The following DCLK2 variants were observed in gnomAD, a reference collection of about 807,000 sequenced individuals.
DCLK2 encodes serine/threonine-protein kinase DCLK2.
Under a neutral mutation model 78.4 loss-of-function variants are expected in DCLK2, and 31 were observed. That is an observed-to-expected ratio of 0.40 (90% CI 0.30 to 0.53). The LOEUF (loss-of-function observed/expected upper bound fraction) is 0.53. DCLK2 is among the 20% of genes least tolerant of loss of function. The probability of loss-of-function intolerance (pLI) is 0.61; values close to 1 mark genes in which losing one functional copy is unlikely to be tolerated. For missense variants in DCLK2, 872 were observed against 973.7 expected (o/e 0.90, Z 1.39); for synonymous variants, 407 against 374.9 (o/e 1.09, Z -0.99).
chr4:150,168,599 C>T (rs1278997242), intron 2 of DCLK2, among the ~76,000 whole-genome samples: 1 of 152,188 alleles, frequency 6.6e-6, no homozygotes, highest in African/African-American at 2.4e-5. Context: ...CAGGAACATA[C>T]TTTGGTGCTC....
At chr4:150,125,846 G>A (rs910437867) in intron 2 of DCLK2, among the ~76,000 whole-genome samples, 4 of 151,892 alleles carry the variant, frequency 2.6e-5, no homozygotes, top group South Asian at 2.1e-4. Context: ...AGCTGAGATC[G>A]AGCCACTACA....
At chr4:150,168,618 G>C (rs1401936911) in intron 2 of DCLK2, among the ~76,000 whole-genome samples, 1 of 152,158 alleles carries the variant, frequency 6.6e-6, no homozygotes, top group Non-Finnish European at 1.5e-5. Flanking sequence ...TCTGTGACTT[G>C]GATACGTTCT....
intron 10 of DCLK2, among the ~76,000 whole-genome samples, chr4:150,235,060 C>G (rs1742387546): frequency 2.6e-5 from 4 of 152,190 alleles, no homozygotes; most frequent in Admixed American, 2.6e-4. Context: ...GCCCCACTGG[C>G]TCTAGTTACT....
intron 8 of DCLK2, among the ~76,000 whole-genome samples, chr4:150,231,004 A>T (rs1300329778): frequency 5.9e-5 from 9 of 152,244 alleles, no homozygotes; most frequent in Non-Finnish European, 1.2e-4. Context: ...GTGTGGTGCT[A>T]CTGCATGCTC....
At chr4:150,216,549 G>A (rs1190287081) in intron 5 of DCLK2, among the ~76,000 whole-genome samples, 1 of 152,148 alleles carries the variant, frequency 6.6e-6, no homozygotes, top group Non-Finnish European at 1.5e-5. Flanking sequence ...TGAGGCAGGA[G>A]AATCGCTTGA....
At chr4:150,142,693 ACT>A (rs983730670) in intron 2 of DCLK2, among the ~76,000 whole-genome samples, 1 of 152,082 alleles carries the variant, frequency 6.6e-6, no homozygotes, top group African/African-American at 2.4e-5. Context: ...TGGATCCGAG[ACT>A]CTGTTTAACA....
At chr4:150,137,100 G>T (rs1456025815) in intron 2 of DCLK2, among the ~76,000 whole-genome samples, 1 of 147,144 alleles carries the variant, frequency 6.8e-6, no homozygotes, top group Non-Finnish European at 1.5e-5. Flanking sequence ...TCCCACCTCA[G>T]CTTCCCAACT....
chr4:150,242,033 T>C (rs940635027), intron 12 of DCLK2, among the ~76,000 whole-genome samples: 62 of 152,360 alleles, frequency 4.1e-4, no homozygotes, highest in African/African-American at 1.5e-3. Context: ...TTCTTTTCCA[T>C]CCAACATTTT....
intron 3 of DCLK2, among the ~76,000 whole-genome samples, chr4:150,193,612 A>G (rs752119418): frequency 3.3e-5 from 5 of 152,230 alleles, no homozygotes; most frequent in Non-Finnish European, 7.3e-5. Context: ...TTGAACATGA[A>G]ACAATTAGTC....
At chr4:150,209,421 G>A (rs986924781) in intron 5 of DCLK2, among the ~76,000 whole-genome samples, 5 of 152,254 alleles carry the variant, frequency 3.3e-5, no homozygotes, top group Non-Finnish European at 5.9e-5. Flanking sequence ...GTTGTACTAT[G>A]CCTTTGTTAC....
At chr4:150,129,565 C>A (rs1733152714) in intron 2 of DCLK2, among the ~76,000 whole-genome samples, 1 of 151,718 alleles carries the variant, frequency 6.6e-6, no homozygotes, top group African/African-American at 2.4e-5. Context: ...ACTAAAAATA[C>A]AAAAATTAGC....
At chr4:150,205,876 C>T (rs976237624) in intron 5 of DCLK2, among the ~76,000 whole-genome samples, 4 of 152,222 alleles carry the variant, frequency 2.6e-5, no homozygotes, top group African/African-American at 7.2e-5. Context: ...ATATTCCTCC[C>T]CCAGGCCATT....
rs537020878 is a variant in DCLK2 at position 150,140,799 on chromosome 4, G to A, written c.756+37987G>A. 3.3e-4 allele frequency among the ~76,000 whole-genome samples: 50 copies of A among 152,192 alleles called. 1 individual carries two copies. The highest frequency in any genetic ancestry group is 1.2e-3 in the African/African-American group (48 of 41,530). ...GAGGTTAAAATCATTTGAGAATAACGATGCAATGATTGGTACTAGTAAATA... is the reference window on the plus strand; with the variant it reads ...GAGGTTAAAATCATTTGAGAATAACAATGCAATGATTGGTACTAGTAAATA... On this transcript the variant is annotated intron_variant, in intron 2 of 15. Transcript: ENST00000296550.
chr4:150,235,413 T>C (rs964270770), intron 10 of DCLK2, among the ~76,000 whole-genome samples: 4 of 152,150 alleles, frequency 2.6e-5, no homozygotes, highest in African/African-American at 9.7e-5. Context: ...GTCTCCAACA[T>C]CATGAGTCTC....
At chr4:150,081,830 T>A (rs1470846941) in intron 1 of DCLK2, among the ~76,000 whole-genome samples, 1 of 143,146 alleles carries the variant, frequency 7.0e-6, no homozygotes. Context: ...CATCTCTACT[T>A]AAAAAAAAAA....
At chr4:150,207,919 A>G (rs552785968) in intron 5 of DCLK2, among the ~76,000 whole-genome samples, 2 of 152,264 alleles carry the variant, frequency 1.3e-5, no homozygotes, top group South Asian at 4.1e-4. Context: ...GGAGGAAAAG[A>G]GGAAATCCAG....
intron 5 of DCLK2, among the ~76,000 whole-genome samples, chr4:150,204,972 C>CATAAATTA (rs1416553878): frequency 5.3e-5 from 8 of 151,916 alleles, no homozygotes; most frequent in African/African-American, 1.7e-4. Context: ...CTGATGTATA[C>CATAAATTA]ACAGTGTCAT....
intron 2 of DCLK2, among the ~76,000 whole-genome samples, chr4:150,163,398 AAAATAAATAAATAAAT>A (rs146823719): frequency 2.7e-5 from 4 of 150,592 alleles, no homozygotes; most frequent in East Asian, 3.9e-4. Flanking sequence ...ACTCCGTCTC[AAAATAAATAAATAAAT>A]AAATAAATAA....
At chr4:150,219,552 C>T (rs898490603) in intron 5 of DCLK2, among the ~76,000 whole-genome samples, 2 of 152,112 alleles carry the variant, frequency 1.3e-5, no homozygotes, top group African/African-American at 4.8e-5. Context: ...TGCACCACCG[C>T]ACCAAGCCCA....
Sources: gnomAD v4.1 joint callset for allele counts (sites outside exome capture counted in the v4.1 genomes callset) on GRCh38, gnomAD v4.1.1 for gene constraint, MANE v1.5 for transcripts, NCBI Gene and HGNC (gene_info 2026-07-23, HGNC 2026-07-21) for gene names.